ELMO1: variants seen among roughly 807,000 people sequenced by gnomAD.
ELMO1 encodes engulfment and cell motility protein 1.
ELMO1 carries 26 observed loss-of-function variants against 98.9 expected under a neutral mutation model. The observed-to-expected ratio is 0.26, with a 90% CI of 0.19 to 0.36. ELMO1 has a LOEUF of 0.36. Ranked by LOEUF, ELMO1 falls within the 10% of genes least tolerant of loss-of-function variation. The pLI, the probability that ELMO1 is intolerant of heterozygous loss-of-function variation, is 1.00. For synonymous variants in ELMO1, 346 were observed against 346.0 expected (o/e 1.00, Z 0.00); for missense variants, 627 against 935.2 (o/e 0.67, Z 4.30).
chr7:37,038,323 C>T (rs772450467), intron 15 of ELMO1, among the ~76,000 whole-genome samples: 15 of 152,192 alleles, frequency 9.9e-5, no homozygotes, highest in Non-Finnish European at 1.8e-4. Flanking sequence ...TTCATCCTGT[C>T]CCTGGATGCT....
At chr7:37,221,339 TCTTGTCATAGCATTCAGTAGCAGGTTCG>T (rs1220648118) in intron 10 of ELMO1, among the ~76,000 whole-genome samples, 1 of 152,162 alleles carries the variant, frequency 6.6e-6, no homozygotes, top group Non-Finnish European at 1.5e-5. Flanking sequence ...ATCCAAAAAT[TCTTGTCATAGCATTCAGTAGCAGGTTCG>T]CTTTCTAATT....
At chr7:37,099,932 C>T (rs114155878) in intron 14 of ELMO1, among the ~76,000 whole-genome samples, 32 of 151,898 alleles carry the variant, frequency 2.1e-4, no homozygotes, top group African/African-American at 7.0e-4. Context: ...CCGCCAAGCT[C>T]AAGCGATTCT....
intron 15 of ELMO1, among the ~76,000 whole-genome samples, chr7:37,039,575 C>T (rs1214706609): frequency 6.6e-6 from 1 of 152,176 alleles, no homozygotes; most frequent in East Asian, 1.9e-4. Flanking sequence ...GAAGGAAGCA[C>T]TATATGAGCA....
rs116969101 is a variant in ELMO1 at position 37,120,281 on chromosome 7, G to A, written c.1191+12849C>T. 1.0e-3 allele frequency among the ~76,000 whole-genome samples: 158 copies of A among 152,304 alleles called. No homozygotes were observed. In the East Asian group the frequency reaches 0.025, roughly 24 times the overall value. ...TGGGTTCATCTCACTGGGGATTGTCGGACAGTGGGTGCAGCGCACCAAGCG... is the reference window on the plus strand; with the variant it reads ...TGGGTTCATCTCACTGGGGATTGTCAGACAGTGGGTGCAGCGCACCAAGCG... On this transcript the variant is annotated intron_variant, in intron 14 of 21. Transcript: ENST00000310758.
At chr7:37,188,500 A>AT (rs11393468) in intron 13 of ELMO1, among the ~76,000 whole-genome samples, 48,366 of 133,806 alleles carry the variant, frequency 0.36, 10,841 homozygotes, top group Non-Finnish European at 0.46. Flanking sequence ...AAAAAAAAAA[A>AT]AAATAATAAT....
At chr7:37,362,554 C>T (rs1194540482) in intron 1 of ELMO1, among the ~76,000 whole-genome samples, 1 of 152,148 alleles carries the variant, frequency 6.6e-6, no homozygotes, top group African/African-American at 2.4e-5. Flanking sequence ...CCCATAGATA[C>T]ATTTTAAATG....
chr7:37,265,432 A>C (rs775584229), intron 5 of ELMO1, among the ~76,000 whole-genome samples: 3 of 152,112 alleles, frequency 2.0e-5, no homozygotes, highest in Non-Finnish European at 4.4e-5. Flanking sequence ...CCATTGACCC[A>C]GTTTCCCTAC....
chr7:37,332,272 T>C (rs1477194309), intron 2 of ELMO1, among the ~76,000 whole-genome samples: 1 of 152,276 alleles, frequency 6.6e-6, no homozygotes, highest in Non-Finnish European at 1.5e-5. Flanking sequence ...GCCTTCACCA[T>C]AGTCATTCCT....
chr7:37,043,009 C>T (rs1438408350), intron 15 of ELMO1, among the ~76,000 whole-genome samples: 17 of 152,218 alleles, frequency 1.1e-4, no homozygotes, highest in Admixed American at 1.1e-3. Context: ...ATATGTAGTT[C>T]ATTATCGTGT....
At chr7:37,271,191 G>A (rs192447907) in intron 5 of ELMO1, 217 of 152,536 alleles carry the variant, frequency 1.4e-3, no homozygotes, top group African/African-American at 4.8e-3. Context: ...CACCTGCCTC[G>A]GCCTCCCAAA....
In ELMO1 at chr7:36,861,667, T is replaced by G; in HGVS notation, c.1975A>C (p.Lys659Gln). Reference sequence around the variant, plus strand: ...ACCCCCGAGACCCTTACCTCATGCTTGTCAGGAGCGATGAAGTTCAGTTGG... The same window carrying G: ...ACCCCCGAGACCCTTACCTCATGCTGGTCAGGAGCGATGAAGTTCAGTTGG... The part of the protein sequence containing the change: ...NCQLNFIAPD[K>Q]HEYCIWTDGL... The change falls in exon 21 of 22, where the codon AAG becomes CAG. Residue 659 changes from lysine (K) to glutamine (Q), a missense_variant. Physicochemically the swap from Lys to Gln is moderately conservative, Grantham distance 53. Around this residue, in one of 3 missense-constraint regions of ELMO1, gnomAD observed 492 missense variants for 715.6 expected, o/e 0.69. Transcript: ENST00000310758. 1.9e-6 allele frequency: 3 copies of G among 1,612,202 alleles called. No individual in the cohort carries two copies. The highest frequency in any genetic ancestry group is 2.5e-6 in the Non-Finnish European group (3 of 1,179,508).
chr7:36,963,785 C>T (rs576296152), intron 16 of ELMO1, among the ~76,000 whole-genome samples: 1 of 152,282 alleles, frequency 6.6e-6, no homozygotes, highest in Non-Finnish European at 1.5e-5. Context: ...AGAGAGTCAA[C>T]TTTGAAGGAC....
intron 4 of ELMO1, among the ~76,000 whole-genome samples, chr7:37,286,508 C>T (rs552268474): frequency 1.3e-5 from 2 of 152,306 alleles, no homozygotes; most frequent in South Asian, 2.1e-4. Context: ...CAGACCCACA[C>T]CACACAGTGT....
At chr7:37,314,727 A>G in intron 4 of ELMO1, 123 bp downstream of exon 4, 1 of 767,428 alleles carries the variant, frequency 1.3e-6, no homozygotes, top group South Asian at 1.9e-5. Context: ...TACAGACTCT[A>G]TTTTCGTGGA....
rs560261447 is a variant in ELMO1, at chr7:37,109,428, T to C, written c.1192-12701A>G. ...GAGTGAGAATCAGCAGGAAAATGTATGAGATGAGAGGGAGCCAACTCCCAC... is the reference window on the plus strand; with the variant it reads ...GAGTGAGAATCAGCAGGAAAATGTACGAGATGAGAGGGAGCCAACTCCCAC... On this transcript the variant is annotated intron_variant, in intron 14 of 21. Transcript: ENST00000310758. Among the ~76,000 whole-genome samples the C allele has an allele frequency of 8.1e-4, 124 of 152,248 alleles. 1 individual carries two copies. Among genetic ancestry groups the C allele is most frequent in the African/African-American group, 2.8e-3 (116 of 41,540 alleles).
In ELMO1 at chr7:37,096,817, G is replaced by A. The variant is rs777438230; in HGVS notation, c.1192-90C>T. 16 of 1,188,512 alleles carry A rather than the reference G, an allele frequency of 1.3e-5. No individual in the cohort carries two copies. In the African/African-American group the frequency reaches 2.4e-4, roughly 18 times the overall value. The allele number at this position is 1,188,512 out of a possible 1,614,324, so 73.6% of individuals were successfully genotyped here. On this transcript the variant is annotated intron_variant, in intron 14 of 21. Transcript: ENST00000310758. ...CTTCATTCCAATAGATGAATACATA[G>A]ATCCACTTCAGATCCCCAAACGAAG...
At chr7:37,030,007 C>T (rs1413245540) in intron 15 of ELMO1, among the ~76,000 whole-genome samples, 4 of 152,138 alleles carry the variant, frequency 2.6e-5, no homozygotes, top group Admixed American at 2.0e-4. Flanking sequence ...TTTCAGGTGG[C>T]TATAATCCAA....
chr7:37,408,531 G>A (rs1028329445), intron 1 of ELMO1, among the ~76,000 whole-genome samples: 1 of 152,128 alleles, frequency 6.6e-6, no homozygotes, highest in African/African-American at 2.4e-5. Flanking sequence ...ATAGATGAAG[G>A]GATAAAGAAA....
intron 1 of ELMO1, among the ~76,000 whole-genome samples, chr7:37,373,394 G>A (rs891132831): frequency 7.9e-5 from 12 of 152,178 alleles, no homozygotes; most frequent in African/African-American, 2.7e-4. Flanking sequence ...ATCACCTGAG[G>A]TCGGGAGTTT....
Sources: allele counts gnomAD v4.1 joint callset (sites outside exome capture counted in the v4.1 genomes callset), GRCh38; gene constraint gnomAD v4.1.1; regional missense constraint gnomAD v4.1.1; transcripts MANE v1.5; gene names NCBI Gene and HGNC (gene_info 2026-07-23, HGNC 2026-07-21).